Variants in PSG3 observed in about 807,000 individuals in gnomAD.
The protein encoded by PSG3 is pregnancy specific beta-1-glycoprotein 3, also known as pregnancy-specific beta-1-glycoprotein 3.
PSG3 carries 61 observed loss-of-function variants against 47.5 expected under a neutral mutation model. The ratio of observed to expected loss-of-function variants is 1.28; its 90% CI spans 1.05 to 1.59. The LOEUF (loss-of-function observed/expected upper bound fraction) is 1.59, where lower values mean the gene tolerates loss of function less well. PSG3 is among the 40% of genes most tolerant of loss of function. The pLI is 0.00. For missense variants in PSG3, 756 were observed against 524.0 expected (o/e 1.44, Z -4.32); for synonymous variants, 263 against 198.4 (o/e 1.33, Z -2.74).
rs575216889 is a variant in PSG3 at position 42,729,984 on chromosome 19, G to A, written c.782C>T (p.Thr261Ile). 13 of 1,612,286 alleles carry A rather than the reference G, an allele frequency of 8.1e-6. No individual in the cohort carries two copies. The East Asian group carries it at 2.2e-4, about 28-fold the overall frequency. ...PRENKDVLAF[T>I]CEPKSENYTY... Reference sequence around the variant, plus strand: ...GTAGTTCTCACTCTTAGGTTCACAGGTGAAGGCTAAGACATCCTTATTCTC... The same window carrying A: ...GTAGTTCTCACTCTTAGGTTCACAGATGAAGGCTAAGACATCCTTATTCTC... Residue 261 changes from threonine to isoleucine, a missense_variant, in exon 4 of 7, where the codon ACC becomes ATC. Physicochemically the swap from Thr to Ile is moderately conservative, Grantham distance 89. Transcript: ENST00000327495.
rs1969650237 is a variant in PSG3 at position 42,740,320 on chromosome 19, C to T, written c.64+1G>A. The T allele has an allele frequency of 3.1e-6, 5 of 1,613,960 alleles. No homozygotes were observed. The highest frequency in any genetic ancestry group is 3.4e-6 in the Non-Finnish European group (4 of 1,179,860). On this transcript the variant is annotated splice_donor_variant, in intron 1 of 6. Coordinates refer to ENST00000327495, the MANE Select transcript of PSG3 (RefSeq NM_021016.4). LOFTEE classifies it high-confidence loss of function. ...CCTCTCCCAGGAAGTTCTCTCCTCA[C>T]CTGTGAGCAGGAGCCCCTTCCAGGT...
chr19:42,735,194 T>G (rs1245920622), intron 2 of PSG3, among the ~76,000 whole-genome samples: 1 of 152,190 alleles, frequency 6.6e-6, no homozygotes, highest in Non-Finnish European at 1.5e-5. Flanking sequence ...TATTGTCAAA[T>G]CAAAATATTA....
intron 6 of PSG3, among the ~76,000 whole-genome samples, chr19:42,722,435 T>C (rs1365395911): frequency 1.3e-5 from 2 of 152,140 alleles, no homozygotes; most frequent in Non-Finnish European, 2.9e-5. Context: ...TTTGCATTTT[T>C]AGTAGAGATG....
Position 42,729,163 on chromosome 19 carries a change from A to G in PSG3, c.1203T>C (p.Thr401=), listed in dbSNP as rs139115178. 4.1e-5 allele frequency: 66 copies of G among 1,613,890 alleles called. No homozygotes were observed. The African/African-American group carries it at 7.5e-4, about 18-fold the overall frequency. ...LYACSVRNSA[T]GMESSKSMTV... is the part of the protein sequence containing the mutation. The stretch of plus-strand genomic sequence containing the variant: ...TCATGGATTTGGAGCTTTCCATGCC[A>G]GTGGCTGAGTTACGAACAGAGCAAG... The change falls in exon 5 of 7, where the codon ACT becomes ACC. Residue 401 remains threonine (T), a synonymous_variant. Transcript: ENST00000327495.
chr19:42,731,143 C>T (rs929206455), intron 3 of PSG3, among the ~76,000 whole-genome samples: 1 of 152,108 alleles, frequency 6.6e-6, no homozygotes, highest in Non-Finnish European at 1.5e-5. Flanking sequence ...TGGGCAGTTT[C>T]AGTTATTCAA....
Position 42,729,351 on chromosome 19 carries a change from G to C in PSG3, c.1015C>G (p.Pro339Ala), listed in dbSNP as rs777224825. ...LYGPDLPRIY[P>A]SFTYYHSGEN... ...CCTGAATGGTAATAGGTGAATGAAG[G>C]GTAAATTCTGGGGAGGTCTGGACCA... The change falls in exon 5 of 7, where the codon CCT (proline) becomes GCT (alanine). Residue 339 changes from proline (P) to alanine (A), a missense_variant. Coordinates refer to ENST00000327495, the MANE Select transcript of PSG3 (RefSeq NM_021016.4). 5 of 1,613,926 alleles carry C rather than the reference G, an allele frequency of 3.1e-6. No individual in the cohort carries two copies. The highest frequency in any genetic ancestry group is 4.2e-6 in the Non-Finnish European group (5 of 1,179,894).
At chr19:42,740,051 C>T (rs1009375601) in intron 1 of PSG3, among the ~76,000 whole-genome samples, 6 of 151,772 alleles carry the variant, frequency 4.0e-5, no homozygotes, top group Non-Finnish European at 7.4e-5. Context: ...CTCCCGGGTT[C>T]ACGTGATTCT....
Position 42,729,284 on chromosome 19 carries a change from G to T in PSG3, c.1082C>A (p.Pro361Gln). 1.2e-6 allele frequency: 2 copies of T among 1,614,126 alleles called. No homozygotes were observed. The highest frequency in any genetic ancestry group is 8.5e-7 in the Non-Finnish European group (1 of 1,179,972). ...YLSCFADSNP[P>Q]AEYSWTINGK... ...ATTAATTGTCCAAGAATATTCTGCT[G>T]GTGGGTTAGAGTCCGCGAAGCAGGA... The change falls in exon 5 of 7, where the codon CCA becomes CAA. Residue 361 changes from proline to glutamine, a missense_variant. Coordinates refer to ENST00000327495, the MANE Select transcript of PSG3 (RefSeq NM_021016.4).
intron 5 of PSG3, among the ~76,000 whole-genome samples, chr19:42,725,927 G>T (rs1428582195): frequency 7.7e-6 from 1 of 129,708 alleles, no homozygotes; most frequent in African/African-American, 3.5e-5. Flanking sequence ...GAAAAATGAA[G>T]CGATTACTAC....
chr19:42,734,549 A>G (rs7256198), intron 2 of PSG3, among the ~76,000 whole-genome samples: 25,317 of 152,112 alleles, frequency 0.17, 3,724 homozygotes, highest in African/African-American at 0.4. Flanking sequence ...ATGTTTTCAT[A>G]AGTGGAAATT....
chr19:42,734,404 C>T (rs1265567415), intron 2 of PSG3, among the ~76,000 whole-genome samples: 1 of 152,180 alleles, frequency 6.6e-6, no homozygotes, highest in African/African-American at 2.4e-5. Flanking sequence ...TGGAGCATTT[C>T]AGATTGTGGA....
chr19:42,732,483 C>G, intron 3 of PSG3: 1 of 616,770 alleles, frequency 1.6e-6, no homozygotes, highest in Non-Finnish European at 2.7e-6. Context: ...CAAGTTGCAA[C>G]ACTGAAGTCC....
Position 42,729,187 on chromosome 19 carries a change from A to G in PSG3, c.1179T>C (p.Ala393=). The G allele has an allele frequency of 1.2e-6, 2 of 1,614,004 alleles. No homozygotes were observed. Among genetic ancestry groups the G allele is most frequent in the Non-Finnish European group, 1.7e-6 (2 of 1,179,864 alleles). Residue 393 remains alanine (A), a synonymous_variant, in exon 5 of 7, where the codon GCT becomes GCC. Transcript: ENST00000327495. ...CAGTGGCTGAGTTACGAACAGAGCA[A>G]GCATAGAGCCCGCTATGCTTTGTAG... ...QITTKHSGLY[A]CSVRNSATGM... is the part of the protein sequence containing the mutation.
intron 2 of PSG3, among the ~76,000 whole-genome samples, chr19:42,736,460 T>C (rs557135437): frequency 2.0e-5 from 3 of 152,328 alleles, no homozygotes; most frequent in Admixed American, 1.3e-4. Context: ...ACTCATTTTT[T>C]AGTCCTGTGC....
intron 2 of PSG3, among the ~76,000 whole-genome samples, chr19:42,737,805 G>C (rs1344739354): frequency 6.6e-6 from 1 of 152,134 alleles, no homozygotes; most frequent in African/African-American, 2.4e-5. Flanking sequence ...GTGGCTTCCT[G>C]TGCCTCAGTT....
intron 5 of PSG3, among the ~76,000 whole-genome samples, chr19:42,726,566 G>A (rs1351263492): frequency 1.3e-5 from 2 of 152,016 alleles, no homozygotes; most frequent in Non-Finnish European, 2.9e-5. Flanking sequence ...AAAATATTTA[G>A]GAATGAGTTT....
At chr19:42,739,181 C>G (rs1969623380) in intron 1 of PSG3, 92 bp from the exon 2 acceptor site, 1 of 1,459,404 alleles carries the variant, frequency 6.9e-7, no homozygotes, top group Non-Finnish European at 9.3e-7. Flanking sequence ...CTCTTCAATC[C>G]TCAGCTTTGA....
Position 42,738,631 on chromosome 19 carries a change from A to G in PSG3, c.430+93T>C, listed in dbSNP as rs1198010355. On this transcript the variant is annotated intron_variant, in intron 2 of 6. Transcript: ENST00000327495. ...CCCCAGCATGGGACATAATGCAGAG[A>G]GGGACACAGGCACAATCCAGGCCTG... 4.1e-5 allele frequency: 66 copies of G among 1,607,110 alleles called. No homozygotes were observed. The South Asian group carries it at 6.8e-4, about 16-fold the overall frequency.
intron 2 of PSG3, chr19:42,733,448 C>T (rs967875433): frequency 7.3e-5 from 16 of 220,112 alleles, no homozygotes; most frequent in East Asian, 4.8e-4. Flanking sequence ...CTTACTTTGC[C>T]GCCCGAGGTA....
Sources: allele counts gnomAD v4.1 joint callset (sites outside exome capture counted in the v4.1 genomes callset), GRCh38; gene constraint gnomAD v4.1.1; transcripts MANE v1.5; gene names NCBI Gene and HGNC (gene_info 2026-07-23, HGNC 2026-07-21).